The following HS6ST3 variants were observed in gnomAD, a reference collection of about 807,000 sequenced individuals.
HS6ST3 encodes the protein heparan-sulfate 6-O-sulfotransferase 3.
HS6ST3 carries 12 observed loss-of-function variants against 36.7 expected under a neutral mutation model. That is an observed-to-expected ratio of 0.33 (90% CI 0.21 to 0.53). The LOEUF (loss-of-function observed/expected upper bound fraction) is 0.53. Ranked by LOEUF, HS6ST3 falls within the 20% of genes least tolerant of loss-of-function variation. The pLI, the probability that HS6ST3 is intolerant of heterozygous loss-of-function variation, is 0.95. For missense variants in HS6ST3, 584 were observed against 640.9 expected, an observed-to-expected ratio of 0.91 and a Z score of 0.96; for synonymous variants, 240 against 257.5, an observed-to-expected ratio of 0.93 and a Z score of 0.65.
intron 1 of HS6ST3, among the ~76,000 whole-genome samples, chr13:96,360,706 G>A (rs1203366074): frequency 6.6e-6 from 1 of 151,146 alleles, no homozygotes; most frequent in African/African-American, 2.4e-5. Flanking sequence ...CAGCACTTTG[G>A]AAGGCTGAGG....
intron 1 of HS6ST3, among the ~76,000 whole-genome samples, chr13:96,668,147 GTCTC>G (rs1002308146): frequency 6.6e-6 from 1 of 151,176 alleles, no homozygotes; most frequent in African/African-American, 2.4e-5. Flanking sequence ...GCACAGAGAG[GTCTC>G]TCTCTCTCTC....
chr13:96,226,627 A>C (rs1040020465), intron 1 of HS6ST3, among the ~76,000 whole-genome samples: 2 of 152,254 alleles, frequency 1.3e-5, no homozygotes, highest in Admixed American at 6.5e-5. Context: ...ACCTTCTAAC[A>C]CATACTATTT....
At chr13:96,276,603 A>G (rs935889078) in intron 1 of HS6ST3, among the ~76,000 whole-genome samples, 4 of 152,236 alleles carry the variant, frequency 2.6e-5, no homozygotes, top group African/African-American at 9.6e-5. Context: ...AGTATCTTGC[A>G]CATATTGCTA....
intron 1 of HS6ST3, among the ~76,000 whole-genome samples, chr13:96,545,582 C>T (rs1304790582): frequency 1.3e-5 from 2 of 152,176 alleles, no homozygotes; most frequent in East Asian, 1.9e-4. Context: ...TTTTGTTTCT[C>T]TCATAACTTC....
At chr13:96,593,476 G>A (rs867012926) in intron 1 of HS6ST3, among the ~76,000 whole-genome samples, 14 of 151,250 alleles carry the variant, frequency 9.3e-5, no homozygotes, top group South Asian at 2.1e-4. Flanking sequence ...GATTACAGGC[G>A]TGAGCTACCG....
chr13:96,403,724 T>C (rs1385741443), intron 1 of HS6ST3, among the ~76,000 whole-genome samples: 2 of 152,238 alleles, frequency 1.3e-5, no homozygotes, highest in Non-Finnish European at 2.9e-5. Context: ...CCATCTTCTA[T>C]GTACAACAAT....
intron 1 of HS6ST3, among the ~76,000 whole-genome samples, chr13:96,248,544 A>G (rs985416951): frequency 1.3e-5 from 2 of 152,214 alleles, no homozygotes; most frequent in Non-Finnish European, 2.9e-5. Flanking sequence ...TGTACTGCAT[A>G]CAAACATACT....
intron 1 of HS6ST3, among the ~76,000 whole-genome samples, chr13:96,375,202 G>C (rs969301654): frequency 6.6e-6 from 1 of 151,924 alleles, no homozygotes; most frequent in Non-Finnish European, 1.5e-5. Context: ...CACCACCCTC[G>C]TAAAGGGTGA....
At chr13:96,657,637 C>T (rs2056630064) in intron 1 of HS6ST3, among the ~76,000 whole-genome samples, 1 of 152,092 alleles carries the variant, frequency 6.6e-6, no homozygotes, top group African/African-American at 2.4e-5. Context: ...CTACACATGC[C>T]ATTGGTTGCT....
intron 1 of HS6ST3, among the ~76,000 whole-genome samples, chr13:96,386,626 G>A (rs1019674697): frequency 6.6e-6 from 1 of 152,076 alleles, no homozygotes; most frequent in Non-Finnish European, 1.5e-5. Context: ...CAGCACTTTG[G>A]GAAGCAGAGG....
intron 1 of HS6ST3, among the ~76,000 whole-genome samples, chr13:96,655,923 G>A (rs1464428086): frequency 6.6e-6 from 1 of 152,080 alleles, no homozygotes; most frequent in Non-Finnish European, 1.5e-5. Flanking sequence ...AAGGCTGGGT[G>A]TAGTTCATGA....
intron 1 of HS6ST3, among the ~76,000 whole-genome samples, chr13:96,217,276 C>T (rs1341741801): frequency 2.0e-5 from 3 of 152,094 alleles, no homozygotes; most frequent in Non-Finnish European, 4.4e-5. Context: ...AATTCTTCCC[C>T]AACTTGAAGA....
chr13:96,715,214 A>C (rs1002837919), intron 1 of HS6ST3, among the ~76,000 whole-genome samples: 23 of 152,156 alleles, frequency 1.5e-4, no homozygotes, highest in African/African-American at 5.3e-4. Flanking sequence ...CAAACTAGTT[A>C]CTTAAAGTAA....
chr13:96,703,709 T>C (rs546535913), intron 1 of HS6ST3, among the ~76,000 whole-genome samples: 4 of 152,324 alleles, frequency 2.6e-5, no homozygotes, highest in East Asian at 1.9e-4. Context: ...GGCTTAAGCA[T>C]GTTGATATTA....
chr13:96,671,864 A>G (rs2056683866), intron 1 of HS6ST3, among the ~76,000 whole-genome samples: 1 of 152,162 alleles, frequency 6.6e-6, no homozygotes, highest in Non-Finnish European at 1.5e-5. Flanking sequence ...GGCATGATTC[A>G]GTTCCTAACA....
chr13:96,407,526 G>T (rs138265026), intron 1 of HS6ST3, among the ~76,000 whole-genome samples: 1 of 152,170 alleles, frequency 6.6e-6, no homozygotes, highest in Non-Finnish European at 1.5e-5. Flanking sequence ...CTCAATAGGC[G>T]TTCACCTGGT....
chr13:96,575,804 C>T (rs1403544058), intron 1 of HS6ST3, among the ~76,000 whole-genome samples: 2 of 152,130 alleles, frequency 1.3e-5, no homozygotes, highest in Admixed American at 6.6e-5. Flanking sequence ...TGGCAAAGTT[C>T]GTAGAACTAG....
intron 1 of HS6ST3, among the ~76,000 whole-genome samples, chr13:96,382,993 G>A (rs952669931): frequency 2.0e-5 from 3 of 152,146 alleles, no homozygotes; most frequent in East Asian, 3.9e-4. Context: ...ATGTATAATA[G>A]CATAAGCTTT....
intron 1 of HS6ST3, among the ~76,000 whole-genome samples, chr13:96,792,012 A>T (rs1173629593): frequency 6.6e-6 from 1 of 152,124 alleles, no homozygotes; most frequent in Non-Finnish European, 1.5e-5. Flanking sequence ...TCATGCATAT[A>T]TACATATACT....
Sources: allele counts gnomAD v4.1 joint callset (sites outside exome capture counted in the v4.1 genomes callset), GRCh38; gene constraint gnomAD v4.1.1; transcripts MANE v1.5; gene names NCBI Gene and HGNC (gene_info 2026-07-23, HGNC 2026-07-21).